Variants in MUCL1 observed in about 807,000 individuals in gnomAD.
MUCL1 encodes mucin like 1, also known as mucin-like protein 1.
Under a neutral mutation model 9.2 loss-of-function variants are expected in MUCL1, and 11 were observed. The ratio of observed to expected loss-of-function variants is 1.19; its 90% CI spans 0.75 to 1.97. The LOEUF (loss-of-function observed/expected upper bound fraction) is 1.97. Among genes scored for constraint, MUCL1 ranks in the 30% most tolerant of loss-of-function variants. The probability of loss-of-function intolerance (pLI) is 0.00; values close to 1 mark genes in which losing one functional copy is unlikely to be tolerated. For missense variants in MUCL1, 144 were observed against 110.9 expected, an observed-to-expected ratio of 1.30 and a Z score of -1.34; for synonymous variants, 48 against 40.5, an observed-to-expected ratio of 1.19 and a Z score of -0.71.
At chr12:54,838,560 C>G (rs967078025), upstream of MUCL1, among the ~76,000 whole-genome samples, 14 of 152,302 alleles carry the variant, frequency 9.2e-5, no homozygotes, top group South Asian at 1.5e-3. Flanking sequence ...CTCAGGAGCA[C>G]AAATGATTCT....
chr12:54,838,401 A>T (rs981723507), upstream of MUCL1, among the ~76,000 whole-genome samples: 2 of 152,094 alleles, frequency 1.3e-5, no homozygotes, highest in Non-Finnish European at 2.9e-5. Flanking sequence ...TGATGACTAT[A>T]TGTCTTGGTA....
intron 1 of MUCL1, among the ~76,000 whole-genome samples, chr12:54,849,389 T>C (rs1959304059): frequency 6.6e-6 from 1 of 152,130 alleles, no homozygotes. Context: ...AAAATGGCAG[T>C]TATCTCATTG....
At chr12:54,833,217 C>T (rs971800078) in intron 1 of MUCL1, among the ~76,000 whole-genome samples, 1 of 152,114 alleles carries the variant, frequency 6.6e-6, no homozygotes, top group East Asian at 1.9e-4. Flanking sequence ...CCTACACACA[C>T]ACATCCAACC....
At chr12:54,834,288 T>A (rs1959189393) in intron 1 of MUCL1, among the ~76,000 whole-genome samples, 1 of 152,126 alleles carries the variant, frequency 6.6e-6, no homozygotes, top group Non-Finnish European at 1.5e-5. Flanking sequence ...ATTTTTTGCC[T>A]TTTATATGAA....
chr12:54,850,005 G>A (rs1009182538), upstream of MUCL1, among the ~76,000 whole-genome samples: 1 of 152,168 alleles, frequency 6.6e-6, no homozygotes, highest in Non-Finnish European at 1.5e-5. Context: ...ACCAGCTTCA[G>A]CTTGGGCAAA....
Position 54,839,821 on chromosome 12 carries a change from C to A in MUCL1, c.43+374C>A, listed in dbSNP as rs141649121. Among the ~76,000 whole-genome samples, 35 of 152,266 alleles carry A rather than the reference C, an allele frequency of 2.3e-4. No homozygotes were observed. In the Middle Eastern group the frequency reaches 0.01, roughly 44 times the overall value. ...ATGCTCATCTCCCATAGGAGAAGTT[C>A]CAACTGTGTCACCTGTGGTGGGCAA... On this transcript the variant is annotated intron_variant, in intron 1 of 3. Coordinates refer to the MUCL1 transcript ENST00000546809.
intron 1 of MUCL1, among the ~76,000 whole-genome samples, chr12:54,848,736 C>CTG: frequency 6.6e-6 from 1 of 152,154 alleles, no homozygotes; most frequent in Non-Finnish European, 1.5e-5. Flanking sequence ...TCTGGCATAA[C>CTG]AGTCCAGCAA....
chr12:54,838,146 C>A (rs576066264), upstream of MUCL1, among the ~76,000 whole-genome samples: 1 of 152,300 alleles, frequency 6.6e-6, no homozygotes, highest in South Asian at 2.1e-4. Context: ...ACTCCCTCAG[C>A]ATTTGCTTGT....
rs201375025 is a variant in MUCL1, at chr12:54,856,947, G to A, written c.223+55G>A. 7.5e-4 allele frequency: 1,204 copies of A among 1,609,686 alleles called. 2 individuals are homozygous for A. The highest frequency in any genetic ancestry group is 9.5e-4 in the Non-Finnish European group (1,114 of 1,178,558). ...CTTTATGTGGCTCCTTGATTCCTTG[G>A]GTTCTCTATTCTCACAGAGACTCTA... On this transcript the variant is annotated intron_variant, in intron 3 of 3. Coordinates refer to ENST00000308796, the MANE Select transcript of MUCL1 (RefSeq NM_058173.3).
intron 1 of MUCL1, among the ~76,000 whole-genome samples, chr12:54,845,457 A>C (rs926655904): frequency 3.3e-5 from 5 of 152,166 alleles, no homozygotes; most frequent in African/African-American, 7.2e-5. Flanking sequence ...TGGTTAATGC[A>C]AAGAGGTGGC....
intron 1 of MUCL1, 151 bp from the exon 2 acceptor site, chr12:54,854,965 C>T: frequency 3.0e-6 from 2 of 671,536 alleles, no homozygotes; most frequent in Admixed American, 2.7e-5. Context: ...TGGGTTTTAT[C>T]TTATCTGTGC....
At chr12:54,835,102 C>T (rs528344947), upstream of MUCL1, among the ~76,000 whole-genome samples, 125 of 152,276 alleles carry the variant, frequency 8.2e-4, no homozygotes, top group African/African-American at 2.9e-3. Context: ...TCTTTTATGG[C>T]TGAGTAGTAT....
In MUCL1 at chr12:54,845,470, C is replaced by T. The variant is rs187636802; in HGVS notation, c.43+6023C>T. Reference sequence around the variant, plus strand: ...ATTGGTTAATGCAAAGAGGTGGCGACGGTTTCCTGTCTCTTAAGTCTGTTC... The same window carrying T: ...ATTGGTTAATGCAAAGAGGTGGCGATGGTTTCCTGTCTCTTAAGTCTGTTC... On this transcript the variant is annotated intron_variant, in intron 1 of 3. Coordinates refer to the MUCL1 transcript ENST00000546809. Among the ~76,000 whole-genome samples, 10 of 152,208 alleles carry T rather than the reference C, an allele frequency of 6.6e-5. No individual in the cohort carries two copies. In the East Asian group the frequency reaches 7.7e-4, roughly 12 times the overall value.
chr12:54,841,026 C>T (rs1160032404), intron 1 of MUCL1, among the ~76,000 whole-genome samples: 2 of 152,094 alleles, frequency 1.3e-5, no homozygotes, highest in East Asian at 3.9e-4. Context: ...CCATTCTACT[C>T]TCTGCCTCTA....
intron 1 of MUCL1, among the ~76,000 whole-genome samples, chr12:54,849,232 A>G (rs1959301070): frequency 6.6e-6 from 1 of 152,184 alleles, no homozygotes; most frequent in South Asian, 2.1e-4. Context: ...CTATTATAAT[A>G]GGAATATGGG....
In MUCL1 at chr12:54,858,373, T is replaced by C. The variant is rs553671545; in HGVS notation, c.*131T>C. 89 of 1,170,616 alleles carry C rather than the reference T, an allele frequency of 7.6e-5. No homozygotes were observed. The highest frequency in any genetic ancestry group is 5.5e-5 in the Non-Finnish European group (44 of 801,008). 72.5% of individuals were successfully genotyped at this position (1,170,616 alleles called of 1,614,324 possible). A position where few individuals can be genotyped will look rare whatever the true frequency, so the allele number is the denominator to read the frequency against. ...AGTTTATTTTCTTTCAAATAAAAAA[T>C]AACTATGAGCAACATAAAAATGGTA... On this transcript the variant is annotated 3_prime_UTR_variant, in exon 4 of 4. Coordinates refer to ENST00000308796, the MANE Select transcript of MUCL1 (RefSeq NM_058173.3).
intron 1 of MUCL1, among the ~76,000 whole-genome samples, chr12:54,843,677 C>T (rs996770715): frequency 6.6e-6 from 1 of 152,142 alleles, no homozygotes; most frequent in Non-Finnish European, 1.5e-5. Context: ...TCATTGCTGC[C>T]TCTGAGCTTA....
At chr12:54,841,617 C>A (rs149534794) in intron 1 of MUCL1, among the ~76,000 whole-genome samples, 299 of 152,200 alleles carry the variant, frequency 2.0e-3, no homozygotes, top group African/African-American at 6.8e-3. Context: ...TTTTCAAATC[C>A]TTGTTGGCTA....
chr12:54,853,700 T>G (rs1463080310), upstream of MUCL1, among the ~76,000 whole-genome samples: 1 of 152,150 alleles, frequency 6.6e-6, no homozygotes, highest in Non-Finnish European at 1.5e-5. Context: ...TCACACATAA[T>G]ACATTGTGTT....
Sources: gnomAD v4.1 joint callset for allele counts (sites outside exome capture counted in the v4.1 genomes callset) on GRCh38, gnomAD v4.1.1 for gene constraint, MANE v1.5 for transcripts, NCBI Gene and HGNC (gene_info 2026-07-23, HGNC 2026-07-21) for gene names.